Variants in NDUFA8 observed in about 807,000 individuals in gnomAD.
NDUFA8 encodes the protein NADH dehydrogenase [ubiquinone] 1 alpha subcomplex subunit 8.
Under a neutral mutation model 20.9 loss-of-function variants are expected in NDUFA8, and 16 were observed. The ratio of observed to expected loss-of-function variants is 0.77; its 90% CI spans 0.52 to 1.16. NDUFA8 has a LOEUF of 1.16. NDUFA8 is among the 50% of genes most tolerant of loss of function. The probability of loss-of-function intolerance (pLI) is 0.00; values close to 1 mark genes in which losing one functional copy is unlikely to be tolerated. For missense variants in NDUFA8, 202 were observed against 216.4 expected, an observed-to-expected ratio of 0.93 and a Z score of 0.42; for synonymous variants, 70 against 76.1, an observed-to-expected ratio of 0.92 and a Z score of 0.41.
At chr9:122,155,347 G>C (rs1829061980) in intron 1 of NDUFA8, among the ~76,000 whole-genome samples, 1 of 152,228 alleles carries the variant, frequency 6.6e-6, no homozygotes, top group Non-Finnish European at 1.5e-5. Context: ...CCAAAGTGCT[G>C]GGATTATAGG....
the NDUFA8 span, among the ~76,000 whole-genome samples, chr9:122,138,562 T>C: frequency 2.6e-5 from 4 of 152,192 alleles, no homozygotes. Flanking sequence ...ATAGACCTGA[T>C]ATACATTGAA....
downstream of NDUFA8, among the ~76,000 whole-genome samples, chr9:122,143,239 G>A (rs973390870): frequency 3.3e-5 from 5 of 152,132 alleles, no homozygotes; most frequent in African/African-American, 7.2e-5. Context: ...TTAGAGTGCC[G>A]CAAAGAGGTA....
the NDUFA8 span, among the ~76,000 whole-genome samples, chr9:122,135,860 A>G: frequency 6.6e-6 from 1 of 152,204 alleles, no homozygotes; most frequent in South Asian, 2.1e-4. Context: ...AAGTGCTGGG[A>G]TTACAGGTGT....
At chr9:122,148,393 G>A (rs563489777) in intron 2 of NDUFA8, 116 bp from the exon 3 acceptor site, 8 of 1,169,566 alleles carry the variant, frequency 6.8e-6, no homozygotes, top group South Asian at 1.2e-5. Context: ...AAAGGTATGT[G>A]AGTACATATT....
At chr9:122,142,819 T>G (rs1299147610), downstream of NDUFA8, among the ~76,000 whole-genome samples, 1 of 152,188 alleles carries the variant, frequency 6.6e-6, no homozygotes, top group Non-Finnish European at 1.5e-5. Flanking sequence ...AAGTATCATA[T>G]AAACACCAAT....
the NDUFA8 span, among the ~76,000 whole-genome samples, chr9:122,132,759 C>G: frequency 6.6e-6 from 1 of 152,208 alleles, no homozygotes; most frequent in African/African-American, 2.4e-5. Flanking sequence ...GCTTTTGGGA[C>G]ATTGCAATCC....
At chr9:122,158,844 G>A (rs1193211601) in intron 1 of NDUFA8, among the ~76,000 whole-genome samples, 1 of 151,396 alleles carries the variant, frequency 6.6e-6, no homozygotes, top group Non-Finnish European at 1.5e-5. Context: ...TAGTGTTGCT[G>A]GGAGGATTCA....
At chr9:122,134,600 A>C in the NDUFA8 span, among the ~76,000 whole-genome samples, 1 of 152,146 alleles carries the variant, frequency 6.6e-6, no homozygotes, top group African/African-American at 2.4e-5. Context: ...CTCTGAGCCC[A>C]TCCTCTCTAA....
intron 3 of NDUFA8, among the ~76,000 whole-genome samples, chr9:122,147,776 A>G (rs77987058): frequency 2.0e-5 from 3 of 151,890 alleles, no homozygotes; most frequent in Admixed American, 2.0e-4. Flanking sequence ...ACAGGCGCCC[A>G]CCACCACACC....
intron 1 of NDUFA8, among the ~76,000 whole-genome samples, chr9:122,158,457 T>G (rs1175208169): frequency 6.6e-6 from 1 of 152,116 alleles, no homozygotes. Context: ...AAACTGTACT[T>G]GGCTCCCTAA....
chr9:122,134,600 A>G, the NDUFA8 span, among the ~76,000 whole-genome samples: 1 of 152,148 alleles, frequency 6.6e-6, no homozygotes, highest in Admixed American at 6.5e-5. Context: ...CTCTGAGCCC[A>G]TCCTCTCTAA....
intron 1 of NDUFA8, among the ~76,000 whole-genome samples, chr9:122,152,713 G>C (rs112993102): frequency 6.6e-6 from 1 of 151,992 alleles, no homozygotes; most frequent in Non-Finnish European, 1.5e-5. Context: ...AAGCCACCTC[G>C]CCCAGCGATT....
chr9:122,154,554 G>A (rs1829049937), intron 1 of NDUFA8, among the ~76,000 whole-genome samples: 1 of 152,118 alleles, frequency 6.6e-6, no homozygotes, highest in African/African-American at 2.4e-5. Context: ...CCATCTTACT[G>A]AACTCTTGTT....
intron 1 of NDUFA8, among the ~76,000 whole-genome samples, chr9:122,155,722 T>C (rs1829067779): frequency 6.6e-6 from 1 of 152,244 alleles, no homozygotes; most frequent in South Asian, 2.1e-4. Context: ...AAAAGCTTAA[T>C]ATATTTTAAT....
intron 3 of NDUFA8, among the ~76,000 whole-genome samples, chr9:122,147,425 A>G (rs1426642301): frequency 1.3e-5 from 2 of 152,186 alleles, no homozygotes; most frequent in South Asian, 4.1e-4. Context: ...TTTTAAAAAA[A>G]AAATCTTAGA....
chr9:122,155,984 G>C (rs1054022075), intron 1 of NDUFA8, among the ~76,000 whole-genome samples: 1 of 152,224 alleles, frequency 6.6e-6, no homozygotes, highest in Non-Finnish European at 1.5e-5. Flanking sequence ...GGATGTGCTA[G>C]AGACAACACA....
chr9:122,143,292 G>A (rs1439949825), downstream of NDUFA8, among the ~76,000 whole-genome samples: 2 of 152,136 alleles, frequency 1.3e-5, no homozygotes, highest in African/African-American at 2.4e-5. Flanking sequence ...GGGGTCATAC[G>A]CAATTTAAAG....
chr9:122,137,400 C>A, the NDUFA8 span, among the ~76,000 whole-genome samples: 3 of 151,942 alleles, frequency 2.0e-5, no homozygotes, highest in Non-Finnish European at 4.4e-5. Context: ...CACCATCACA[C>A]CCGGCTAATT....
intron 1 of NDUFA8, among the ~76,000 whole-genome samples, chr9:122,152,881 G>C (rs1198530759): frequency 2.0e-5 from 3 of 152,120 alleles, no homozygotes; most frequent in Non-Finnish European, 4.4e-5. Flanking sequence ...AGAGAAAAGG[G>C]GTGTAGAGAA....
Sources: allele counts gnomAD v4.1 joint callset (sites outside exome capture counted in the v4.1 genomes callset), GRCh38; gene constraint gnomAD v4.1.1; transcripts MANE v1.5; gene names NCBI Gene and HGNC (gene_info 2026-07-23, HGNC 2026-07-21).